The following APOO variants were observed in gnomAD, a reference collection of about 807,000 sequenced individuals.
APOO encodes MICOS complex subunit MIC26.
Under a neutral mutation model 23.1 loss-of-function variants are expected in APOO, and 11 were observed. The observed-to-expected ratio is 0.48, with a 90% CI of 0.30 to 0.79. The LOEUF is 0.79. Among genes scored for constraint, APOO ranks in the 30% least tolerant of loss-of-function variants. APOO has a pLI of 0.07. For missense variants in APOO, 160 were observed against 142.7 expected, an observed-to-expected ratio of 1.12 and a Z score of -0.62; for synonymous variants, 59 against 54.8, an observed-to-expected ratio of 1.08 and a Z score of -0.34.
chrX:23,873,075 A>G (rs1445102184), intron 4 of APOO, among the ~76,000 whole-genome samples: 1 of 110,600 alleles, frequency 9.0e-6, no homozygotes, highest in African/African-American at 3.3e-5. Context: ...TAAATAAAAT[A>G]ATAAAAAATA....
At chrX:23,847,182 G>T (rs1924283019) in intron 7 of APOO, among the ~76,000 whole-genome samples, 2 of 111,604 alleles carry the variant, frequency 1.8e-5, no homozygotes, top group Non-Finnish European at 3.8e-5. Flanking sequence ...GACTACTTGG[G>T]TCATGTCAAG....
At position 23,890,277 on chromosome X, in the gene APOO, C is replaced by A. The variant is rs771995512; in HGVS notation, c.10-9325G>T. On this transcript the variant is annotated intron_variant, in intron 1 of 8. Coordinates refer to ENST00000379226, the MANE Select transcript of APOO (RefSeq NM_024122.5). The stretch of plus-strand genomic sequence containing the variant: ...AATCTCTCCCGTCTTAAACAAAACA[C>A]AACAAATACCCTCCACCCCTAATTC... Among the ~76,000 whole-genome samples, 14 of 111,746 alleles carry A rather than the reference C, an allele frequency of 1.3e-4. No homozygotes were observed. In the South Asian group the frequency reaches 5.2e-3, roughly 42 times the overall value.
At chrX:23,907,632 G>A in intron 1 of APOO, 62 bp downstream of exon 1, 1 of 1,124,972 alleles carries the variant, frequency 8.9e-7, no homozygotes, top group Admixed American at 2.7e-5. Flanking sequence ...AAGAGAGCGC[G>A]GGGAGGGCTC....
chrX:23,836,295 G>A (rs750133080), intron 8 of APOO, among the ~76,000 whole-genome samples: 63 of 110,700 alleles, frequency 5.7e-4, no homozygotes, highest in East Asian at 2.8e-3. Flanking sequence ...CACCATGCCC[G>A]GCCTTAATTT....
chrX:23,875,699 C>T (rs186994490), intron 3 of APOO, among the ~76,000 whole-genome samples: 1 of 109,779 alleles, frequency 9.1e-6, no homozygotes, highest in Non-Finnish European at 1.9e-5. Flanking sequence ...GGATTACAGG[C>T]GTGAGCTACT....
At chrX:23,868,564 G>A in intron 5 of APOO, 29 bp downstream of exon 5, 2 of 1,103,401 alleles carry the variant, frequency 1.8e-6, no homozygotes. Flanking sequence ...TTTATGAGCT[G>A]ACTGTTAAAG....
intron 1 of APOO, chrX:23,883,958 A>G (rs772973665): frequency 2.8e-4 from 32 of 112,290 alleles, no homozygotes; most frequent in African/African-American, 1.0e-3. Flanking sequence ...GTTCTACAGA[A>G]AGACAAAACA....
chrX:23,892,945 AAAC>A, intron 1 of APOO, among the ~76,000 whole-genome samples: 1 of 110,403 alleles, frequency 9.1e-6, no homozygotes, highest in South Asian at 3.8e-4. Flanking sequence ...CAAAAAAAAA[AAAC>A]AAACTATGAA....
At chrX:23,858,034 G>A (rs1924854189) in intron 6 of APOO, among the ~76,000 whole-genome samples, 1 of 111,506 alleles carries the variant, frequency 9.0e-6, no homozygotes, top group Non-Finnish European at 1.9e-5. Context: ...CTTCTGGTCT[G>A]GTAACACATT....
intron 4 of APOO, among the ~76,000 whole-genome samples, chrX:23,873,462 G>A (rs1448950517): frequency 9.1e-6 from 1 of 110,282 alleles, no homozygotes; most frequent in Non-Finnish European, 1.9e-5. Context: ...CAAAAACTAG[G>A]TGGATGTGGT....
chrX:23,843,579 CTTTTTTT>C (rs747271141), intron 7 of APOO, among the ~76,000 whole-genome samples: 24 of 61,729 alleles, frequency 3.9e-4, no homozygotes, highest in Middle Eastern at 0.012. Context: ...ATGACAATTT[CTTTTTTT>C]TTTTTTTTTT....
chrX:23,895,974 T>C (rs1926885923), intron 1 of APOO, among the ~76,000 whole-genome samples: 1 of 110,383 alleles, frequency 9.1e-6, no homozygotes, highest in Non-Finnish European at 1.9e-5. Flanking sequence ...GAACGGAGTC[T>C]AAAAAGATGT....
At chrX:23,870,817 G>A (rs1490093811) in intron 4 of APOO, among the ~76,000 whole-genome samples, 2 of 109,670 alleles carry the variant, frequency 1.8e-5, no homozygotes, top group Non-Finnish European at 3.8e-5. Context: ...CAGGCCAGGC[G>A]CAGTGGTTCA....
At chrX:23,835,725 CAA>C (rs58910598) in intron 8 of APOO, among the ~76,000 whole-genome samples, 1 of 99,544 alleles carries the variant, frequency 1.0e-5, no homozygotes. Flanking sequence ...CTGTCTATGG[CAA>C]AAAAAAAAAA....
At chrX:23,876,792 C>T (rs1403240668) in intron 3 of APOO, among the ~76,000 whole-genome samples, 5 of 111,221 alleles carry the variant, frequency 4.5e-5, no homozygotes, top group Non-Finnish European at 7.5e-5. Context: ...AGCGAGACTC[C>T]GTCTCAAAAA....
At chrX:23,881,385 A>C (rs1926117932) in intron 1 of APOO, among the ~76,000 whole-genome samples, 1 of 107,189 alleles carries the variant, frequency 9.3e-6, no homozygotes, top group Non-Finnish European at 1.9e-5. Context: ...TACAAAATAT[A>C]TTTTTTTAAA....
chrX:23,866,938 A>G (rs1925363336), intron 5 of APOO, among the ~76,000 whole-genome samples: 1 of 109,587 alleles, frequency 9.1e-6, no homozygotes, highest in Non-Finnish European at 1.9e-5. Context: ...CATCTCTACT[A>G]AAAATACAAA....
chrX:23,876,871 C>T (rs1346482556), intron 3 of APOO, among the ~76,000 whole-genome samples: 1 of 112,077 alleles, frequency 8.9e-6, no homozygotes, highest in Non-Finnish European at 1.9e-5. Context: ...AATTGCTGGT[C>T]TGAAAAAGGA....
At chrX:23,897,839 C>CA in intron 1 of APOO, among the ~76,000 whole-genome samples, 1 of 108,664 alleles carries the variant, frequency 9.2e-6, no homozygotes, top group Non-Finnish European at 1.9e-5. Context: ...ACAAAAAATA[C>CA]AAAAAATTAT....
Sources: allele counts gnomAD v4.1 joint callset (sites outside exome capture counted in the v4.1 genomes callset), GRCh38; gene constraint gnomAD v4.1.1; transcripts MANE v1.5; gene names NCBI Gene and HGNC (gene_info 2026-07-23, HGNC 2026-07-21).